The following CRY2 variants were observed in gnomAD, a reference collection of about 807,000 sequenced individuals.
CRY2 encodes the protein cryptochrome circadian regulator 2, also known as cryptochrome-2.
In CRY2, 31 loss-of-function variants were observed where a neutral mutation model predicts 69.5. The ratio of observed to expected loss-of-function variants is 0.45; its 90% confidence interval spans 0.34 to 0.60. CRY2 has a LOEUF of 0.60. CRY2 is among the 20% of genes least tolerant of loss of function. The pLI is 0.02. For synonymous variants in CRY2, 303 were observed against 312.2 expected (o/e 0.97, Z 0.31); for missense variants, 606 against 797.8 (o/e 0.76, Z 2.90).
intron 11 of CRY2, among the ~76,000 whole-genome samples, chr11:45,875,487 G>A (rs1590773390): frequency 6.6e-6 from 1 of 152,230 alleles, no homozygotes; most frequent in Non-Finnish European, 1.5e-5. Context: ...AGGCTTGACA[G>A]TGATTCCAAG....
At chr11:45,866,503 A>G (rs1189383458) in intron 5 of CRY2, among the ~76,000 whole-genome samples, 1 of 152,230 alleles carries the variant, frequency 6.6e-6, no homozygotes, top group African/African-American at 2.4e-5. Context: ...GTTGGCAGGT[A>G]TAGCGCTGCT....
chr11:45,882,390 C>A lies in CRY2; in HGVS notation c.*1479C>A. The A allele has an allele frequency of 2.6e-6, 1 of 382,654 alleles. No individual in the cohort carries two copies. The highest frequency in any genetic ancestry group is 4.6e-6 in the Non-Finnish European group (1 of 216,058). 23.7% of individuals were successfully genotyped at this position (382,654 alleles called of 1,614,324 possible). On this transcript the variant is annotated 3_prime_UTR_variant, in exon 12 of 12. Transcript: ENST00000616080. Reference sequence around the variant, plus strand: ...TTTGGGCCTTTTCCTTTCTACCTCCCCTGTGACCTTTCCTAGCCTCAGATC... The same window carrying A: ...TTTGGGCCTTTTCCTTTCTACCTCCACTGTGACCTTTCCTAGCCTCAGATC...
At chr11:45,878,753 T>A (rs1034382600) in intron 11 of CRY2, among the ~76,000 whole-genome samples, 4 of 150,648 alleles carry the variant, frequency 2.7e-5, no homozygotes, top group African/African-American at 7.3e-5. Flanking sequence ...TGAAACCCCA[T>A]CTCTACTAAA....
intron 2 of CRY2, chr11:45,858,285 A>G (rs1459172451): frequency 6.1e-6 from 1 of 163,354 alleles, no homozygotes; most frequent in Non-Finnish European, 1.3e-5. Flanking sequence ...ACATAGCACA[A>G]CTCTGCCAAG....
Position 45,851,483 on chromosome 11 carries a change from C to T in CRY2, c.215+3778C>T, listed in dbSNP as rs931741032. Among the ~76,000 whole-genome samples the T allele has an allele frequency of 5.9e-5, 9 of 152,124 alleles. No individual in the cohort carries two copies. The East Asian group carries it at 7.7e-4, about 13-fold the overall frequency. Reference sequence around the variant, plus strand: ...GGACTGTTGGGAAGTGGATTGAGAACGCTAGTCTACTGGCAGGGAAACAGG... The same window carrying T: ...GGACTGTTGGGAAGTGGATTGAGAATGCTAGTCTACTGGCAGGGAAACAGG... On this transcript the variant is annotated intron_variant, in intron 1 of 11. Coordinates refer to ENST00000616080, the MANE Select transcript of CRY2 (RefSeq NM_021117.5).
chr11:45,850,666 T>C (rs1055001215), intron 1 of CRY2, among the ~76,000 whole-genome samples: 1 of 152,110 alleles, frequency 6.6e-6, no homozygotes, highest in Non-Finnish European at 1.5e-5. Context: ...CCCGTGGTTG[T>C]TTCTGGATTC....
intron 5 of CRY2, among the ~76,000 whole-genome samples, chr11:45,864,249 T>C (rs2086312012): frequency 6.6e-6 from 1 of 152,174 alleles, no homozygotes; most frequent in African/African-American, 2.4e-5. Flanking sequence ...TGGCCTGGAT[T>C]CTTTCCCAGA....
At chr11:45,874,163 C>T (rs1590772651) in intron 11 of CRY2, among the ~76,000 whole-genome samples, 1 of 152,050 alleles carries the variant, frequency 6.6e-6, no homozygotes, top group African/African-American at 2.4e-5. Context: ...GCCTGTAATT[C>T]CAGCTACTCG....
At chr11:45,858,100 T>G (rs990836790) in intron 2 of CRY2, among the ~76,000 whole-genome samples, 41 of 152,344 alleles carry the variant, frequency 2.7e-4, no homozygotes, top group African/African-American at 9.9e-4. Context: ...CAGAAATGAC[T>G]AAAGGCTTAG....
chr11:45,870,810 G>C, intron 9 of CRY2, 32 bp from the exon 10 acceptor site: 1 of 1,571,216 alleles, frequency 6.4e-7, no homozygotes, highest in Non-Finnish European at 8.7e-7. Flanking sequence ...CCTGCGAGAC[G>C]GCACTCTGAT....
At chr11:45,876,127 G>A (rs1333099701) in intron 11 of CRY2, among the ~76,000 whole-genome samples, 1 of 152,170 alleles carries the variant, frequency 6.6e-6, no homozygotes, top group East Asian at 1.9e-4. Context: ...CTTTGGGCTG[G>A]ATCCATAGCC....
chr11:45,873,851 AT>A (rs2086405549), intron 11 of CRY2, among the ~76,000 whole-genome samples: 1 of 152,236 alleles, frequency 6.6e-6, no homozygotes, highest in Non-Finnish European at 1.5e-5. Context: ...TGAAAAGTGA[AT>A]TGGATTCAGG....
chr11:45,877,687 C>T (rs1338532791), intron 11 of CRY2, among the ~76,000 whole-genome samples: 1 of 152,212 alleles, frequency 6.6e-6, no homozygotes, highest in East Asian at 1.9e-4. Context: ...CCCTTGGTGC[C>T]TCCCCTTGGC....
chr11:45,874,293 G>A (rs1205285329), intron 11 of CRY2, among the ~76,000 whole-genome samples: 2 of 151,140 alleles, frequency 1.3e-5, no homozygotes, highest in Non-Finnish European at 3.0e-5. Context: ...AAAAAAAAAA[G>A]ATTAAATGTG....
In CRY2 at chr11:45,860,837, G is replaced by C. The variant is rs779032731; in HGVS notation, c.468-11G>C. ...ATGTGGGTAACACTAGCTATGCTTT[G>C]GGCTCCCCAGGATCATTGAGCTGAA... is the stretch of plus-strand genomic sequence containing the variant. On this transcript the variant is annotated splice_polypyrimidine_tract_variant and intron_variant, in intron 3 of 11. Coordinates refer to ENST00000616080, the MANE Select transcript of CRY2 (RefSeq NM_021117.5). The C allele has an allele frequency of 1.9e-6, 3 of 1,613,140 alleles. No individual in the cohort carries two copies. The highest frequency in any genetic ancestry group is 2.5e-6 in the Non-Finnish European group (3 of 1,179,238).
intron 3 of CRY2, among the ~76,000 whole-genome samples, chr11:45,859,914 G>A (rs1326341507): frequency 6.6e-6 from 1 of 152,142 alleles, no homozygotes; most frequent in Non-Finnish European, 1.5e-5. Flanking sequence ...AGGAGAGGCT[G>A]GGTGTGGAGA....
chr11:45,880,386 C>T (rs1337749226), intron 11 of CRY2, among the ~76,000 whole-genome samples: 1 of 152,162 alleles, frequency 6.6e-6, no homozygotes, highest in East Asian at 1.9e-4. Context: ...TCCTCTCTCC[C>T]TCCTGCCCCC....
At chr11:45,850,561 G>A (rs2134626512) in intron 1 of CRY2, among the ~76,000 whole-genome samples, 1 of 152,264 alleles carries the variant, frequency 6.6e-6, no homozygotes, top group Non-Finnish European at 1.5e-5. Context: ...ATCAGTTGAA[G>A]GCAGAGCTGC....
chr11:45,875,737 G>C (rs1383967269), intron 11 of CRY2, among the ~76,000 whole-genome samples: 1 of 152,152 alleles, frequency 6.6e-6, no homozygotes, highest in Admixed American at 6.5e-5. Flanking sequence ...GTGTTCTTTG[G>C]AAATCCTGAG....
Sources: gnomAD v4.1 joint callset for allele counts (sites outside exome capture counted in the v4.1 genomes callset) on GRCh38, gnomAD v4.1.1 for gene constraint, MANE v1.5 for transcripts, NCBI Gene and HGNC (gene_info 2026-07-23, HGNC 2026-07-21) for gene names.